Variants in ST7L observed in about 807,000 individuals in gnomAD.
ST7L encodes the protein suppressor of tumorigenicity 7 protein-like.
A neutral mutation model predicts 72.5 loss-of-function variants in ST7L; 57 were observed. The ratio of observed to expected loss-of-function variants is 0.79; its 90% CI spans 0.64 to 0.98. The LOEUF (loss-of-function observed/expected upper bound fraction) is 0.98. Ranked by LOEUF, ST7L falls within the 50% of genes least tolerant of loss-of-function variation. The probability of loss-of-function intolerance (pLI) is 0.00; values close to 1 mark genes in which losing one functional copy is unlikely to be tolerated. For synonymous variants in ST7L, 221 were observed against 240.9 expected, an observed-to-expected ratio of 0.92 and a Z score of 0.77; for missense variants, 576 against 672.2, an observed-to-expected ratio of 0.86 and a Z score of 1.58.
downstream of ST7L, chr1:112,520,600 C>G (rs1286814123): frequency 5.3e-6 from 7 of 1,310,564 alleles, no homozygotes; most frequent in African/African-American, 1.0e-4. Flanking sequence ...CACCCTCCAC[C>G]CTGGGCTGCT....
intron 14 of ST7L, chr1:112,539,917 A>G: frequency 1.0e-6 from 1 of 985,394 alleles, no homozygotes; most frequent in Non-Finnish European, 1.2e-6. Flanking sequence ...ACAGATACCA[A>G]AATAAATGCT....
At chr1:112,522,815 C>G (rs900921564), downstream of ST7L, 1 of 152,068 alleles carries the variant, frequency 6.6e-6, no homozygotes, top group Non-Finnish European at 1.5e-5. Context: ...CTGAGTGAGT[C>G]AGGCCAAGAG....
intron 14 of ST7L, chr1:112,540,160 A>C (rs1655879223): frequency 1.0e-6 from 1 of 985,442 alleles, no homozygotes; most frequent in African/African-American, 1.7e-5. Flanking sequence ...TACTACTAAC[A>C]GTTGGTATAG....
intron 5 of ST7L, among the ~76,000 whole-genome samples, chr1:112,595,141 C>T (rs959271671): frequency 1.3e-5 from 2 of 151,420 alleles, no homozygotes; most frequent in East Asian, 3.9e-4. Context: ...CAAGGGGGGG[C>T]GGATCACCTG....
At chr1:112,565,722 C>G (rs1214719127) in intron 11 of ST7L, among the ~76,000 whole-genome samples, 1 of 152,024 alleles carries the variant, frequency 6.6e-6, no homozygotes, top group East Asian at 1.9e-4. Flanking sequence ...CACTGAACAA[C>G]TCAAAGAAGA....
chr1:112,602,083 C>CAAAAAAAAAAAAAAAAAAAAA (rs71584754), intron 3 of ST7L, among the ~76,000 whole-genome samples: 2 of 89,084 alleles, frequency 2.2e-5, no homozygotes, highest in Non-Finnish European at 4.7e-5. Context: ...AAACTCCATC[C>CAAAAAAAAAAAAAAAAAAAAA]AAAAAAAAAA....
intron 3 of ST7L, 138 bp downstream of exon 3, chr1:112,610,703 A>G (rs1668942015): frequency 2.8e-6 from 3 of 1,065,728 alleles, no homozygotes; most frequent in Non-Finnish European, 2.7e-6. Context: ...ACCTCGTAAC[A>G]TCACATTGGT....
At position 112,619,034 on chromosome 1, in the gene ST7L, A is replaced by G. The variant is rs1229667356; in HGVS notation, c.80T>C (p.Leu27Pro). Reference protein sequence around the residue: ...PASVPGLNPTLGWRERLRAGL... With the variant: ...PASVPGLNPTPGWRERLRAGL... Reference sequence around the variant, plus strand: ...GGCCCGCAGTCGCTCCCTCCAGCCTAGCGTCGGGTTTAGGCCAGGGACAGA... The same window carrying G: ...GGCCCGCAGTCGCTCCCTCCAGCCTGGCGTCGGGTTTAGGCCAGGGACAGA... The change falls in exon 1 of 15, where the codon CTA becomes CCA. Residue 27 changes from leucine to proline, a missense_variant. Leu to Pro is a moderately conservative substitution (Grantham distance 98, BLOSUM62 -3). Coordinates refer to ENST00000358039, the MANE Select transcript of ST7L (RefSeq NM_017744.5). 1 of 1,613,984 alleles carries G rather than the reference A, an allele frequency of 6.2e-7. No homozygotes were observed. Among genetic ancestry groups the G allele is most frequent in the South Asian group, 1.1e-5 (1 of 91,064 alleles).
At chr1:112,555,373 GGCT>G (rs1416091403) in intron 12 of ST7L, among the ~76,000 whole-genome samples, 2 of 152,046 alleles carry the variant, frequency 1.3e-5, no homozygotes, top group Non-Finnish European at 2.9e-5. Flanking sequence ...AGACCATCCT[GGCT>G]AACACGAGGA....
At chr1:112,584,218 TACCTAC>T in intron 6 of ST7L, 92 bp from the exon 7 acceptor site, 1 of 1,296,094 alleles carries the variant, frequency 7.7e-7, no homozygotes, top group East Asian at 2.6e-5. Flanking sequence ...CATATTTCCT[TACCTAC>T]ACTTTTTCCA....
At chr1:112,560,966 A>G (rs1660019440) in intron 11 of ST7L, among the ~76,000 whole-genome samples, 1 of 146,564 alleles carries the variant, frequency 6.8e-6, no homozygotes, top group South Asian at 2.1e-4. Flanking sequence ...TACATCTTAA[A>G]GAAAAAAAAA....
chr1:112,540,674 TA>T, intron 14 of ST7L: 1 of 1,182,192 alleles, frequency 8.5e-7, no homozygotes, highest in Non-Finnish European at 1.1e-6. Context: ...AAAAGCCAAC[TA>T]ATCTTTAAGG....
At chr1:112,535,855 A>G (rs907004634) in intron 14 of ST7L, among the ~76,000 whole-genome samples, 1 of 152,172 alleles carries the variant, frequency 6.6e-6, no homozygotes, top group Admixed American at 6.5e-5. Flanking sequence ...TTCTTTTTGA[A>G]GCAGAAAAAC....
intron 11 of ST7L, among the ~76,000 whole-genome samples, chr1:112,575,718 T>C (rs1662995609): frequency 6.6e-6 from 1 of 152,206 alleles, no homozygotes; most frequent in Non-Finnish European, 1.5e-5. Flanking sequence ...GAATTTTCCA[T>C]GTAATATTTT....
chr1:112,564,837 A>G (rs1157573830), intron 11 of ST7L, among the ~76,000 whole-genome samples: 2 of 150,624 alleles, frequency 1.3e-5, no homozygotes, highest in Non-Finnish European at 3.0e-5. Flanking sequence ...AAAAAAAAAA[A>G]AAGAGCTACT....
intron 12 of ST7L, among the ~76,000 whole-genome samples, chr1:112,553,117 A>G (rs490228): frequency 1.3e-5 from 2 of 152,138 alleles, no homozygotes; most frequent in African/African-American, 2.4e-5. Context: ...ACAAAAAACA[A>G]TATCTGCTTT....
At chr1:112,520,468 T>G, downstream of ST7L, 1 of 1,614,162 alleles carries the variant, frequency 6.2e-7, no homozygotes, top group Non-Finnish European at 8.5e-7. Flanking sequence ...CGTCCATACT[T>G]GCAAAGCCCC....
intron 14 of ST7L, among the ~76,000 whole-genome samples, chr1:112,533,326 AT>A (rs11484138): frequency 0.021 from 3,066 of 148,656 alleles, 106 homozygotes; most frequent in African/African-American, 0.07. Context: ...ATTTTATTTT[AT>A]TTTTTTTTTT....
At chr1:112,602,146 G>A (rs372389791) in intron 3 of ST7L, among the ~76,000 whole-genome samples, 1 of 151,026 alleles carries the variant, frequency 6.6e-6, no homozygotes, top group African/African-American at 2.4e-5. Flanking sequence ...ATGAAGGACC[G>A]TTATGTACTA....
Sources: gnomAD v4.1 joint callset for allele counts (sites outside exome capture counted in the v4.1 genomes callset) on GRCh38, gnomAD v4.1.1 for gene constraint, MANE v1.5 for transcripts, NCBI Gene and HGNC (gene_info 2026-07-23, HGNC 2026-07-21) for gene names.